The following RGS6 variants were observed in gnomAD, a reference collection of about 807,000 sequenced individuals.
RGS6 encodes the protein regulator of G protein signaling 6.
In RGS6, 30 loss-of-function variants were observed where a neutral mutation model predicts 78.5. The ratio of observed to expected loss-of-function variants is 0.38; its 90% CI spans 0.29 to 0.52. The LOEUF is 0.52. Ranked by LOEUF, RGS6 falls within the 20% of genes least tolerant of loss-of-function variation. RGS6 has a pLI of 0.85. For missense variants in RGS6, 495 were observed against 609.7 expected, an observed-to-expected ratio of 0.81 and a Z score of 1.98; for synonymous variants, 206 against 206.0, an observed-to-expected ratio of 1.00 and a Z score of 0.00.
intron 17 of RGS6, among the ~76,000 whole-genome samples, chr14:72,554,380 A>C (rs371916222): frequency 6.6e-6 from 1 of 152,230 alleles, no homozygotes; most frequent in East Asian, 1.9e-4. Flanking sequence ...TTTGTCCACA[A>C]TATCAAGTAA....
chr14:71,935,830 G>T (rs1233636780), intron 1 of RGS6, among the ~76,000 whole-genome samples: 1 of 151,336 alleles, frequency 6.6e-6, no homozygotes, highest in East Asian at 1.9e-4. Flanking sequence ...CTTTGAAGAG[G>T]GCTTATTCAA....
chr14:72,121,293 C>A (rs921050404), intron 2 of RGS6, among the ~76,000 whole-genome samples: 1 of 152,206 alleles, frequency 6.6e-6, no homozygotes, highest in African/African-American at 2.4e-5. Context: ...CATGCTTTAC[C>A]TGTATTGCCA....
chr14:72,329,736 G>A (rs955539398), intron 2 of RGS6, among the ~76,000 whole-genome samples: 1 of 152,222 alleles, frequency 6.6e-6, no homozygotes, highest in African/African-American at 2.4e-5. Flanking sequence ...TGGAGCAGCT[G>A]TGTGACAGAT....
At chr14:71,877,348 A>G in the RGS6 span, among the ~76,000 whole-genome samples, 13 of 152,148 alleles carry the variant, frequency 8.5e-5, no homozygotes, top group African/African-American at 3.1e-4. Flanking sequence ...ACATAGTCCC[A>G]TATTTCTTGG....
intron 13 of RGS6, among the ~76,000 whole-genome samples, chr14:72,509,130 T>G (rs2096847323): frequency 6.6e-6 from 1 of 152,036 alleles, no homozygotes; most frequent in Non-Finnish European, 1.5e-5. Flanking sequence ...TTTGGGAGGC[T>G]GAGGCGGGTG....
intron 3 of RGS6, chr14:72,420,893 C>T (rs1437394552): frequency 6.6e-6 from 1 of 152,190 alleles, no homozygotes; most frequent in African/African-American, 2.4e-5. Flanking sequence ...TAACTGAAGG[C>T]AGTTGCCTGC....
At chr14:72,463,323 G>T (rs1566909185) in intron 6 of RGS6, among the ~76,000 whole-genome samples, 1 of 152,246 alleles carries the variant, frequency 6.6e-6, no homozygotes, top group Admixed American at 6.5e-5. Context: ...GAGTCGGTTG[G>T]AAGTTAGAGC....
the RGS6 span, among the ~76,000 whole-genome samples, chr14:72,596,521 A>G: frequency 6.6e-6 from 1 of 152,202 alleles, no homozygotes; most frequent in Non-Finnish European, 1.5e-5. Flanking sequence ...CCTAATTGGT[A>G]GAGTTAGGGC....
At chr14:72,295,585 A>G (rs888027146) in intron 2 of RGS6, among the ~76,000 whole-genome samples, 1 of 152,190 alleles carries the variant, frequency 6.6e-6, no homozygotes, top group Non-Finnish European at 1.5e-5. Flanking sequence ...ATTTTTTACC[A>G]GGTTTTGTTG....
At chr14:72,562,052 T>TC (rs2153556117) in intron 17 of RGS6, among the ~76,000 whole-genome samples, 1 of 152,154 alleles carries the variant, frequency 6.6e-6, no homozygotes, top group East Asian at 1.9e-4. Flanking sequence ...CACCTTTTCC[T>TC]CCCCCACGTG....
intron 2 of RGS6, among the ~76,000 whole-genome samples, chr14:72,141,033 G>A (rs2096532761): frequency 6.6e-6 from 1 of 152,174 alleles, no homozygotes; most frequent in Admixed American, 6.5e-5. Flanking sequence ...GTGTGCATGT[G>A]GGCCATATTT....
At chr14:72,201,947 G>A (rs1040474660) in intron 2 of RGS6, among the ~76,000 whole-genome samples, 17 of 152,084 alleles carry the variant, frequency 1.1e-4, no homozygotes, top group African/African-American at 3.9e-4. Flanking sequence ...AGAGTAAACT[G>A]AACACCCATA....
intron 2 of RGS6, among the ~76,000 whole-genome samples, chr14:72,136,887 A>G (rs536822732): frequency 7.5e-4 from 114 of 152,192 alleles, no homozygotes; most frequent in Non-Finnish European, 1.5e-3. Flanking sequence ...TAATATGACT[A>G]TTTTCTTGTA....
chr14:72,394,782 T>C (rs964998624), intron 3 of RGS6, among the ~76,000 whole-genome samples: 1 of 152,190 alleles, frequency 6.6e-6, no homozygotes, highest in African/African-American at 2.4e-5. Flanking sequence ...CTTACGAAGA[T>C]GACAGGATTA....
At chr14:71,903,825 A>G in the RGS6 span, among the ~76,000 whole-genome samples, 2 of 152,222 alleles carry the variant, frequency 1.3e-5, no homozygotes, top group African/African-American at 2.4e-5. Flanking sequence ...AAAATTAGGT[A>G]AGAAAAGGAA....
chr14:72,015,387 T>A (rs139871930), intron 2 of RGS6, among the ~76,000 whole-genome samples: 1 of 152,192 alleles, frequency 6.6e-6, no homozygotes, highest in Non-Finnish European at 1.5e-5. Context: ...ACCTCCAACA[T>A]TGGGGATCAA....
At chr14:72,310,585 C>T (rs142753937) in intron 2 of RGS6, among the ~76,000 whole-genome samples, 1 of 152,328 alleles carries the variant, frequency 6.6e-6, no homozygotes, top group Non-Finnish European at 1.5e-5. Context: ...TGTTACTTAA[C>T]CAAGTCTTGA....
intron 7 of RGS6, among the ~76,000 whole-genome samples, chr14:72,468,370 C>T (rs967707193): frequency 1.2e-4 from 15 of 125,048 alleles, no homozygotes; most frequent in African/African-American, 3.4e-4. Flanking sequence ...AGCGAGACTC[C>T]GTCTCAAAAA....
chr14:72,220,566 T>G (rs2190627), intron 2 of RGS6, among the ~76,000 whole-genome samples: 69,145 of 152,036 alleles, frequency 0.45, 16,094 homozygotes, highest in Middle Eastern at 0.6. Context: ...AAGTGCCTAC[T>G]GAAGGCAGCA....
Sources: gnomAD v4.1 joint callset for allele counts (sites outside exome capture counted in the v4.1 genomes callset) on GRCh38, gnomAD v4.1.1 for gene constraint, MANE v1.5 for transcripts, NCBI Gene and HGNC (gene_info 2026-07-23, HGNC 2026-07-21) for gene names.